DCC: variants seen among roughly 807,000 people sequenced by gnomAD.
The protein encoded by DCC is netrin receptor DCC.
Under a neutral mutation model 172.5 loss-of-function variants are expected in DCC, and 58 were observed. The observed-to-expected ratio is 0.34, with a 90% CI of 0.27 to 0.42. The LOEUF is 0.42. Among genes scored for constraint, DCC ranks in the 10% least tolerant of loss-of-function variants. The probability of loss-of-function intolerance (pLI) is 1.00; values close to 1 mark genes in which losing one functional copy is unlikely to be tolerated. For synonymous variants in DCC, 709 were observed against 644.5 expected, an observed-to-expected ratio of 1.10 and a Z score of -1.52; for missense variants, 1,740 against 1,791.0, an observed-to-expected ratio of 0.97 and a Z score of 0.51.
At chr18:53,469,242 A>T (rs570926437) in intron 25 of DCC, among the ~76,000 whole-genome samples, 14 of 152,266 alleles carry the variant, frequency 9.2e-5, no homozygotes, top group African/African-American at 3.1e-4. Context: ...TCGCCTGAAA[A>T]AAACCTGGTA....
At chr18:52,847,270 A>C (rs2038909920) in intron 2 of DCC, among the ~76,000 whole-genome samples, 2 of 152,188 alleles carry the variant, frequency 1.3e-5, no homozygotes, top group South Asian at 4.1e-4. Flanking sequence ...TAAGGTCAAA[A>C]TGTTGGACAA....
intron 20 of DCC, 126 bp from the exon 21 acceptor site, chr18:53,415,998 A>G: frequency 1.4e-6 from 1 of 733,124 alleles, no homozygotes; most frequent in Non-Finnish European, 2.5e-6. Flanking sequence ...GTCCTTATCA[A>G]TTTTATTTCA....
At chr18:53,090,034 T>C (rs1014880229) in intron 7 of DCC, among the ~76,000 whole-genome samples, 1 of 152,194 alleles carries the variant, frequency 6.6e-6, no homozygotes, top group Non-Finnish European at 1.5e-5. Context: ...CCTCGCTATT[T>C]GGCACACTAT....
chr18:52,485,106 G>A lies in DCC; in HGVS notation c.91+144228G>A, dbSNP rs534632242. Among the ~76,000 whole-genome samples the A allele has an allele frequency of 1.2e-4, 19 of 152,208 alleles. No homozygotes were observed. The South Asian group carries it at 3.9e-3, about 32-fold the overall frequency. ...GACTGCTGATCTATAGCATTTATGA[G>A]TACACTAACAATCTCTTTCATAACA... is the stretch of plus-strand genomic sequence containing the variant. On this transcript the variant is annotated intron_variant, in intron 1 of 28. Transcript: ENST00000442544.
At chr18:53,118,653 C>T (rs1304263995) in intron 7 of DCC, among the ~76,000 whole-genome samples, 1 of 151,676 alleles carries the variant, frequency 6.6e-6, no homozygotes, top group Non-Finnish European at 1.5e-5. Flanking sequence ...TACATTAAGT[C>T]CTTTATGTGG....
chr18:52,365,271 C>T (rs1984796133), intron 1 of DCC, among the ~76,000 whole-genome samples: 1 of 152,086 alleles, frequency 6.6e-6, no homozygotes, highest in South Asian at 2.1e-4. Flanking sequence ...AGACTGTTCT[C>T]GTTATTGTAT....
At chr18:52,872,689 A>G (rs1464643803) in intron 2 of DCC, among the ~76,000 whole-genome samples, 7 of 152,204 alleles carry the variant, frequency 4.6e-5, no homozygotes, top group Non-Finnish European at 1.0e-4. Context: ...ATAAAGTAAG[A>G]ACCCTCAATG....
intron 26 of DCC, among the ~76,000 whole-genome samples, chr18:53,491,182 AT>A (rs1465372618): frequency 1.3e-5 from 2 of 152,156 alleles, no homozygotes; most frequent in African/African-American, 4.8e-5. Context: ...CATGCAGACA[AT>A]TTTTGTTTTT....
intron 1 of DCC, among the ~76,000 whole-genome samples, chr18:52,656,243 A>G (rs537178806): frequency 6.6e-6 from 1 of 151,946 alleles, no homozygotes; most frequent in South Asian, 2.1e-4. Context: ...TTGAGATATG[A>G]TTAGTTCACT....
At chr18:53,152,882 C>T (rs2054665366) in intron 7 of DCC, among the ~76,000 whole-genome samples, 1 of 152,144 alleles carries the variant, frequency 6.6e-6, no homozygotes, top group Admixed American at 6.5e-5. Flanking sequence ...TAATATAACG[C>T]CTGTTTAAAC....
At chr18:52,969,920 A>G (rs2041002430) in intron 5 of DCC, among the ~76,000 whole-genome samples, 1 of 152,112 alleles carries the variant, frequency 6.6e-6, no homozygotes, top group Admixed American at 6.6e-5. Flanking sequence ...GATAGAGATC[A>G]TTTTTACAGA....
chr18:53,045,231 A>G (rs2042221413), intron 5 of DCC, among the ~76,000 whole-genome samples: 1 of 151,892 alleles, frequency 6.6e-6, no homozygotes, highest in South Asian at 2.1e-4. Flanking sequence ...AGAATTACAT[A>G]AAACATTTCC....
chr18:53,047,283 T>TAA (rs2042257421), intron 5 of DCC, among the ~76,000 whole-genome samples: 1 of 17,970 alleles, frequency 5.6e-5, no homozygotes, highest in African/African-American at 4.5e-4. Flanking sequence ...TATATATATA[T>TAA]ATATAATTTT....
chr18:53,285,722 A>T (rs2056928083), intron 12 of DCC, among the ~76,000 whole-genome samples: 1 of 152,156 alleles, frequency 6.6e-6, no homozygotes, highest in Non-Finnish European at 1.5e-5. Context: ...TACACCATGC[A>T]CCTGGAGAAG....
At chr18:53,475,406 T>C (rs1315940658) in intron 25 of DCC, among the ~76,000 whole-genome samples, 1 of 152,176 alleles carries the variant, frequency 6.6e-6, no homozygotes, top group Non-Finnish European at 1.5e-5. Context: ...GAAAAAGTGG[T>C]TCCATGGACC....
chr18:52,343,460 T>A (rs938869929), intron 1 of DCC, among the ~76,000 whole-genome samples: 2 of 152,200 alleles, frequency 1.3e-5, no homozygotes, highest in African/African-American at 4.8e-5. Context: ...GCTGTAGATT[T>A]GTATGAAACT....
intron 5 of DCC, among the ~76,000 whole-genome samples, chr18:53,000,593 T>C (rs994375220): frequency 1.2e-4 from 18 of 147,692 alleles, no homozygotes; most frequent in African/African-American, 4.5e-4. Context: ...TTCTTTTTTT[T>C]TTTTTTTTTT....
intron 2 of DCC, among the ~76,000 whole-genome samples, chr18:52,889,391 TAATC>T (rs940457075): frequency 1.3e-5 from 2 of 152,080 alleles, no homozygotes; most frequent in African/African-American, 4.8e-5. Context: ...TTTCAATAAT[TAATC>T]AGCCAATAGC....
At chr18:52,764,541 G>T (rs778390244) in intron 2 of DCC, among the ~76,000 whole-genome samples, 3 of 152,156 alleles carry the variant, frequency 2.0e-5, no homozygotes, top group Non-Finnish European at 4.4e-5. Context: ...GTTAAAAAGA[G>T]CCTGGTGTCT....
Sources: gnomAD v4.1 joint callset for allele counts (sites outside exome capture counted in the v4.1 genomes callset) on GRCh38, gnomAD v4.1.1 for gene constraint, MANE v1.5 for transcripts, NCBI Gene and HGNC (gene_info 2026-07-23, HGNC 2026-07-21) for gene names.